PRPF8: variants seen among roughly 807,000 people sequenced by gnomAD.
PRPF8 encodes the protein pre-mRNA processing factor 8, also known as pre-mRNA-processing-splicing factor 8.
A neutral mutation model predicts 285.9 loss-of-function variants in PRPF8; 64 were observed. The observed-to-expected ratio is 0.22, with a 90% CI of 0.18 to 0.28. The LOEUF (loss-of-function observed/expected upper bound fraction) is 0.28, where lower values mean the gene tolerates loss of function less well. PRPF8 is among the 10% of genes least tolerant of loss of function. The probability of loss-of-function intolerance (pLI) is 1.00; values close to 1 mark genes in which losing one functional copy is unlikely to be tolerated. For synonymous variants in PRPF8, 1,325 were observed against 1,118.2 expected (o/e 1.18, Z -3.69); for missense variants, 1,426 against 3,026.7 (o/e 0.47, Z 12.41).
chr17:1,652,205 A>T (rs980185158), intron 39 of PRPF8: 21 of 321,028 alleles, frequency 6.5e-5, no homozygotes, highest in Non-Finnish European at 1.1e-4. Flanking sequence ...CACACAGGAT[A>T]TTAACAATCT....
chr17:1,677,436 T>C, intron 14 of PRPF8, 129 bp downstream of exon 14: 2 of 1,399,902 alleles, frequency 1.4e-6, no homozygotes, highest in East Asian at 2.3e-5. Flanking sequence ...GTCAGACTCA[T>C]TTCAGAACTG....
At chr17:1,656,930 C>A (rs1266955669) in intron 34 of PRPF8, among the ~76,000 whole-genome samples, 169 bp from the exon 35 acceptor site, 2 of 152,160 alleles carry the variant, frequency 1.3e-5, no homozygotes, top group African/African-American at 4.8e-5. Context: ...TGTCCAATGA[C>A]CAGGCTGACA....
At chr17:1,657,267 G>T (rs914389539) in intron 34 of PRPF8, among the ~76,000 whole-genome samples, 7 of 152,200 alleles carry the variant, frequency 4.6e-5, no homozygotes, top group African/African-American at 1.2e-4. Flanking sequence ...GCCAGATGTT[G>T]AACGTCTAGG....
In PRPF8 at chr17:1,658,069, A is replaced by T. The variant is rs1252032286; in HGVS notation, c.5505+184T>A. 2.0e-5 allele frequency among the ~76,000 whole-genome samples: 3 copies of T among 152,096 alleles called. No homozygotes were observed. The highest frequency in any genetic ancestry group is 7.2e-5 in the African/African-American group (3 of 41,414). On this transcript the variant is annotated intron_variant, in intron 34 of 42. Coordinates refer to ENST00000304992, the MANE Select transcript of PRPF8 (RefSeq NM_006445.4). The surrounding 1 kb of genome is among the most constrained non-coding windows in gnomAD (Gnocchi z 4.1). ...AAATTCAGGAAACAGACCAGCTGGA[A>T]GGGAACGAAGCACCTCATACACTCT... is the stretch of plus-strand genomic sequence containing the variant.
chr17:1,662,212 A>G, intron 24 of PRPF8, 59 bp from the exon 25 acceptor site: 1 of 1,588,614 alleles, frequency 6.3e-7, no homozygotes, highest in Non-Finnish European at 8.6e-7. Flanking sequence ...GAGGGTGGAG[A>G]CTACTTGATG....
At chr17:1,683,844 CA>C in intron 2 of PRPF8, 143 bp from the exon 3 acceptor site, 1 of 945,480 alleles carries the variant, frequency 1.1e-6, no homozygotes. Context: ...ATTCCCTTAC[CA>C]TTTTACTCTG....
intron 3 of PRPF8, 91 bp downstream of exon 3, chr17:1,683,442 T>A: frequency 7.2e-7 from 1 of 1,383,400 alleles, no homozygotes; most frequent in Non-Finnish European, 1.0e-6. Context: ...TCCACCAAGA[T>A]GAGCTGTCAA....
intron 24 of PRPF8, among the ~76,000 whole-genome samples, chr17:1,666,954 C>A (rs1249835030): frequency 6.6e-6 from 1 of 152,130 alleles, no homozygotes; most frequent in Non-Finnish European, 1.5e-5. Flanking sequence ...GCGGTTGGAT[C>A]ATGAGGTCAG....
At chr17:1,677,735 G>A (rs935319942) in intron 13 of PRPF8, 41 bp from the exon 14 acceptor site, 2 of 1,613,240 alleles carry the variant, frequency 1.2e-6, no homozygotes, top group East Asian at 2.2e-5. Flanking sequence ...AGTTAGCAAT[G>A]CATTTAAACA....
At chr17:1,654,121 G>A (rs1319071604) in intron 37 of PRPF8, 105 bp from the exon 38 acceptor site, 11 of 1,532,474 alleles carry the variant, frequency 7.2e-6, no homozygotes, top group African/African-American at 5.5e-5. Context: ...CTATACTCAC[G>A]CCCCAGACAA....
rs186325275 is a variant in PRPF8 at position 1,654,097 on chromosome 17, T to G, written c.5988-81A>C. 2.9e-4 allele frequency: 467 copies of G among 1,607,208 alleles called. 2 individuals are homozygous for G. In the African/African-American group the frequency reaches 5.5e-3, roughly 19 times the overall value. On this transcript the variant is annotated intron_variant, in intron 37 of 42. Coordinates refer to ENST00000304992, the MANE Select transcript of PRPF8 (RefSeq NM_006445.4). ...CCTCAATGGAAAGGGTGTAACTTGG[T>G]AGGACAGGACAGCCTATACTCACGC...
chr17:1,664,821 T>C (rs1911867875), intron 24 of PRPF8, among the ~76,000 whole-genome samples: 2 of 152,060 alleles, frequency 1.3e-5, no homozygotes, highest in Non-Finnish European at 2.9e-5. Flanking sequence ...GAAATTAGAA[T>C]ATACTTTTAA....
chr17:1,675,389 G>T lies in PRPF8; in HGVS notation c.2873-50C>A. ...CAGCAGGTTAGAAATCCTCTTGCAAGACTAGCCCCACAGGAACTATCATTA... is the reference window on the plus strand; with the variant it reads ...CAGCAGGTTAGAAATCCTCTTGCAATACTAGCCCCACAGGAACTATCATTA... On this transcript the variant is annotated intron_variant, in intron 19 of 42. Transcript: ENST00000304992. The surrounding 1 kb of genome is among the most constrained non-coding windows in gnomAD (Gnocchi z 6.0). The T allele has an allele frequency of 6.3e-7, 1 of 1,595,684 alleles. No homozygotes were observed. The highest frequency in any genetic ancestry group is 1.1e-5 in the South Asian group (1 of 90,698).
At chr17:1,672,424 C>T (rs569438447) in intron 24 of PRPF8, among the ~76,000 whole-genome samples, 31 of 152,228 alleles carry the variant, frequency 2.0e-4, no homozygotes, top group Non-Finnish European at 2.8e-4. Flanking sequence ...CGATTACAGG[C>T]GCCGGCCACC....
rs750473607 is a variant in PRPF8, at chr17:1,658,868, A to G, written c.5139-105T>C. The G allele has an allele frequency of 2.4e-5, 24 of 984,800 alleles. No homozygotes were observed. The highest frequency in any genetic ancestry group is 9.3e-5 in the South Asian group (7 of 75,168). The allele number at this position is 984,800 out of a possible 1,614,324, so 61.0% of individuals were successfully genotyped here. On this transcript the variant is annotated intron_variant, in intron 32 of 42. Coordinates refer to ENST00000304992, the MANE Select transcript of PRPF8 (RefSeq NM_006445.4). The surrounding 1 kb of genome is among the most constrained non-coding windows in gnomAD (Gnocchi z 4.1). The stretch of plus-strand genomic sequence containing the variant: ...GGAAGAAAGACTGTTCGCCAGGCTG[A>G]CAACACTCTGCTCATGTGTACATAC...
chr17:1,681,743 C>G (rs1194012287), intron 5 of PRPF8, 53 bp from the exon 6 acceptor site: 1 of 1,609,540 alleles, frequency 6.2e-7, no homozygotes. Flanking sequence ...CAAACCCATA[C>G]CACCTACTGA....
chr17:1,666,261 G>T (rs1023964777), intron 24 of PRPF8, among the ~76,000 whole-genome samples: 2 of 151,466 alleles, frequency 1.3e-5, no homozygotes, highest in African/African-American at 4.9e-5. Context: ...AGAAATCAAT[G>T]CAACAAGGCC....
intron 3 of PRPF8, 83 bp downstream of exon 3, chr17:1,683,450 C>G: frequency 2.0e-6 from 3 of 1,473,822 alleles, no homozygotes; most frequent in Non-Finnish European, 2.9e-6. Context: ...GATGAGCTGT[C>G]AAAGCATCAA....
In PRPF8 at chr17:1,659,806, C is replaced by G; in HGVS notation, c.4946+35G>C. On this transcript the variant is annotated intron_variant, in intron 31 of 42. Transcript: ENST00000304992. The surrounding 1 kb of genome is among the most constrained non-coding windows in gnomAD (Gnocchi z 5.1). Reference sequence around the variant, plus strand: ...TAGAAGAACAGGAAAACGAAAGTGTCCTGGCTGCCTAGGGCTGGGTCCTGA... The same window carrying G: ...TAGAAGAACAGGAAAACGAAAGTGTGCTGGCTGCCTAGGGCTGGGTCCTGA... The G allele has an allele frequency of 6.2e-7, 1 of 1,609,916 alleles. No individual in the cohort carries two copies. Among genetic ancestry groups the G allele is most frequent in the Non-Finnish European group, 8.5e-7 (1 of 1,176,692 alleles).
Sources: allele counts gnomAD v4.1 joint callset (sites outside exome capture counted in the v4.1 genomes callset), GRCh38; gene constraint gnomAD v4.1.1; non-coding constraint Gnocchi (gnomAD v3.1); transcripts MANE v1.5; gene names NCBI Gene and HGNC (gene_info 2026-07-23, HGNC 2026-07-21).